The following KANSL1L variants were observed in gnomAD, a reference collection of about 807,000 sequenced individuals.
The protein encoded by KANSL1L is KAT8 regulatory NSL complex subunit 1 like, also known as KAT8 regulatory NSL complex subunit 1-like protein.
In KANSL1L, 25 loss-of-function variants were observed where a neutral mutation model predicts 108.6. The ratio of observed to expected loss-of-function variants is 0.23; its 90% CI spans 0.17 to 0.32. The LOEUF is 0.32. KANSL1L is among the 10% of genes least tolerant of loss of function. The pLI is 1.00. For missense variants in KANSL1L, 1,137 were observed against 1,125.7 expected (o/e 1.01, Z -0.14); for synonymous variants, 405 against 395.1 (o/e 1.03, Z -0.30).
At chr2:210,151,049 C>A (rs2095299765) in intron 2 of KANSL1L, among the ~76,000 whole-genome samples, 1 of 151,996 alleles carries the variant, frequency 6.6e-6, no homozygotes, top group South Asian at 2.1e-4. Context: ...GAGTTTTACT[C>A]CCGTCACACA....
intron 3 of KANSL1L, among the ~76,000 whole-genome samples, chr2:210,112,414 C>T (rs1207311966): frequency 6.6e-6 from 1 of 152,094 alleles, no homozygotes; most frequent in African/African-American, 2.4e-5. Context: ...TAGACTTCTC[C>T]TCAGTATCAA....
intron 8 of KANSL1L, among the ~76,000 whole-genome samples, chr2:210,039,716 G>A (rs765493231): frequency 6.6e-6 from 1 of 151,614 alleles, no homozygotes; most frequent in Non-Finnish European, 1.5e-5. Flanking sequence ...GTTTTATTTT[G>A]TAGTTTTAAT....
chr2:210,042,952 T>C (rs1449519353), intron 7 of KANSL1L, among the ~76,000 whole-genome samples: 2 of 152,132 alleles, frequency 1.3e-5, no homozygotes, highest in East Asian at 3.8e-4. Context: ...ATCAGAACCA[T>C]AAGCGGAAAA....
Position 210,154,107 on chromosome 2 carries a change from T to C in KANSL1L, c.476A>G (p.Lys159Arg). Residue 159 changes from lysine (K) to arginine (R), a missense_variant, in exon 2 of 15, where the codon AAA (lysine) becomes AGA (arginine). This residue lies in a region of KANSL1L where 556 missense variants were observed against 537.7 expected (regional missense o/e 1.03). Coordinates refer to ENST00000281772, the MANE Select transcript of KANSL1L (RefSeq NM_152519.4). ...TTGTACTTTATCTACATTAGTGTCT[T>C]TGGTTATATTTGAATCCAGAATAAT... Reference protein sequence around the residue: ...VQIILDSNITKDTNVDKVQLQ... With the variant: ...VQIILDSNITRDTNVDKVQLQ... 1 of 1,614,018 alleles carries C rather than the reference T, an allele frequency of 6.2e-7. No homozygotes were observed. The highest frequency in any genetic ancestry group is 1.6e-4 in the Middle Eastern group (1 of 6,062).
At chr2:210,165,181 AAAAAACCAAAAAAC>A (rs992997010) in intron 1 of KANSL1L, among the ~76,000 whole-genome samples, 7 of 144,526 alleles carry the variant, frequency 4.8e-5, no homozygotes, top group African/African-American at 1.8e-4. Context: ...TTTACTAAAA[AAAAAACCAAAAAAC>A]AAAAAACAAA....
At chr2:210,052,883 T>C (rs746766554) in intron 6 of KANSL1L, among the ~76,000 whole-genome samples, 3 of 152,226 alleles carry the variant, frequency 2.0e-5, no homozygotes, top group Non-Finnish European at 4.4e-5. Context: ...TGTATATGCC[T>C]CTGCTATTGT....
chr2:210,051,677 G>A (rs2094293788), intron 6 of KANSL1L, among the ~76,000 whole-genome samples: 2 of 152,014 alleles, frequency 1.3e-5, no homozygotes, highest in African/African-American at 4.8e-5. Context: ...GAATTTCAAT[G>A]GCAATTTCAT....
intron 2 of KANSL1L, among the ~76,000 whole-genome samples, chr2:210,139,992 C>T (rs1575602807): frequency 6.6e-6 from 1 of 152,006 alleles, no homozygotes; most frequent in East Asian, 1.9e-4. Context: ...ATCCACCGGG[C>T]TACACCTCCT....
chr2:210,044,068 T>C lies in KANSL1L; in HGVS notation c.1792A>G (p.Thr598Ala). 6.2e-7 allele frequency: 1 copy of C among 1,602,182 alleles called. No individual in the cohort carries two copies. Among genetic ancestry groups the C allele is most frequent in the South Asian group, 1.1e-5 (1 of 89,004 alleles). The change falls in exon 7 of 15, where the codon ACA (threonine) becomes GCA (alanine). Residue 598 changes from threonine (T) to alanine (A), a missense_variant. Physicochemically the swap from Thr to Ala is moderately conservative, Grantham distance 58. Around this residue, in one of 3 missense-constraint regions of KANSL1L, gnomAD observed 575 missense variants for 567.1 expected, o/e 1.01. Coordinates refer to ENST00000281772, the MANE Select transcript of KANSL1L (RefSeq NM_152519.4). This position sits in a 1 kb window ranked among gnomAD's most constrained non-coding sequence, Gnocchi z 4.2. ...PSKETAFLNT[T>A]QMPCLQSAST... The stretch of plus-strand genomic sequence containing the variant: ...GCTGATTGCAGGCAAGGCATTTGTG[T>C]AGTGTTTAAAAATGCTGTTTCTTTT...
At chr2:210,165,181 AAAAAACC>A (rs960197027) in intron 1 of KANSL1L, among the ~76,000 whole-genome samples, 16 of 144,526 alleles carry the variant, frequency 1.1e-4, no homozygotes, top group African/African-American at 4.0e-4. Flanking sequence ...TTTACTAAAA[AAAAAACC>A]AAAAAACAAA....
intron 3 of KANSL1L, among the ~76,000 whole-genome samples, chr2:210,109,974 T>G (rs1164850663): frequency 6.6e-6 from 1 of 152,180 alleles, no homozygotes; most frequent in African/African-American, 2.4e-5. Context: ...TCTTGGCCAG[T>G]AAAAGGCTTT....
chr2:210,031,745 G>T (rs542197922), intron 8 of KANSL1L, among the ~76,000 whole-genome samples, 199 bp from the exon 9 acceptor site: 4 of 152,182 alleles, frequency 2.6e-5, no homozygotes, highest in African/African-American at 9.6e-5. Flanking sequence ...CCATTTTTTT[G>T]AGGGGGATGA....
intron 8 of KANSL1L, among the ~76,000 whole-genome samples, chr2:210,037,946 TTTGA>T: frequency 6.6e-6 from 1 of 152,264 alleles, no homozygotes; most frequent in South Asian, 2.1e-4. Context: ...ATACATTGCA[TTTGA>T]TTGATATAAC....
chr2:210,096,133 G>A (rs1024151319), intron 5 of KANSL1L, among the ~76,000 whole-genome samples: 1 of 152,116 alleles, frequency 6.6e-6, no homozygotes, highest in African/African-American at 2.4e-5. Context: ...ACAGTATTCA[G>A]TAGCTGATTC....
intron 3 of KANSL1L, among the ~76,000 whole-genome samples, chr2:210,113,222 T>C (rs1454004016): frequency 1.3e-5 from 2 of 152,114 alleles, no homozygotes; most frequent in African/African-American, 4.8e-5. Context: ...AAAAAAATCC[T>C]CTCTTCATTT....
At chr2:210,082,785 T>C (rs2094600571) in intron 5 of KANSL1L, among the ~76,000 whole-genome samples, 1 of 152,192 alleles carries the variant, frequency 6.6e-6, no homozygotes, top group African/African-American at 2.4e-5. Flanking sequence ...CAAATTAAAC[T>C]ACTTAAGTAA....
At chr2:210,164,863 T>G (rs1455379793) in intron 1 of KANSL1L, among the ~76,000 whole-genome samples, 2 of 148,792 alleles carry the variant, frequency 1.3e-5, no homozygotes, top group Non-Finnish European at 3.0e-5. Flanking sequence ...CTGTTTTTTT[T>G]TTTTTGTTTT....
intron 3 of KANSL1L, among the ~76,000 whole-genome samples, chr2:210,118,914 A>C (rs999326862): frequency 6.6e-5 from 10 of 152,090 alleles, no homozygotes; most frequent in South Asian, 2.1e-4. Context: ...TCATGCCTGT[A>C]ATCCCAACAC....
intron 2 of KANSL1L, among the ~76,000 whole-genome samples, chr2:210,141,035 C>G (rs935019006): frequency 6.6e-6 from 1 of 152,000 alleles, no homozygotes; most frequent in African/African-American, 2.4e-5. Flanking sequence ...TTTCTTATCT[C>G]TAAGATGTCA....
Sources: gnomAD v4.1 joint callset for allele counts (sites outside exome capture counted in the v4.1 genomes callset) on GRCh38, gnomAD v4.1.1 for gene constraint, gnomAD v4.1.1 regional missense constraint, Gnocchi (gnomAD v3.1) non-coding constraint, MANE v1.5 for transcripts, NCBI Gene and HGNC (gene_info 2026-07-23, HGNC 2026-07-21) for gene names.